Variants in SLC35F1 observed in about 807,000 individuals in gnomAD.
The protein encoded by SLC35F1 is solute carrier family 35 member F1, also known as chromosome 6 open reading frame 169.
In SLC35F1, 14 loss-of-function variants were observed where a neutral mutation model predicts 48.7. The ratio of observed to expected loss-of-function variants is 0.29; its 90% CI spans 0.19 to 0.45. SLC35F1 has a LOEUF of 0.45. SLC35F1 is among the 20% of genes least tolerant of loss of function. The probability of loss-of-function intolerance (pLI) is 1.00; values close to 1 mark genes in which losing one functional copy is unlikely to be tolerated. For missense variants in SLC35F1, 404 were observed against 500.0 expected, an observed-to-expected ratio of 0.81 and a Z score of 1.83; for synonymous variants, 190 against 202.2, an observed-to-expected ratio of 0.94 and a Z score of 0.51.
intron 2 of SLC35F1, among the ~76,000 whole-genome samples, chr6:118,166,252 G>C (rs1352245791): frequency 1.3e-5 from 2 of 152,082 alleles, no homozygotes; most frequent in South Asian, 2.1e-4. Context: ...TGGCCACTAG[G>C]GTATCATTTG....
At chr6:117,969,483 C>A (rs117996823) in intron 1 of SLC35F1, among the ~76,000 whole-genome samples, 2,715 of 152,230 alleles carry the variant, frequency 0.018, 32 homozygotes, top group East Asian at 0.031. Context: ...AACAAATAAA[C>A]CCAGGCCAAG....
At chr6:118,293,228 T>C (rs1359242404) in intron 7 of SLC35F1, among the ~76,000 whole-genome samples, 1 of 152,218 alleles carries the variant, frequency 6.6e-6, no homozygotes. Context: ...CCAAATTTAC[T>C]ATCTTACAGT....
rs749418334 is a variant in SLC35F1 at position 117,957,987 on chromosome 6, C to T, written c.173+50088C>T. 2.0e-5 allele frequency among the ~76,000 whole-genome samples: 3 copies of T among 152,154 alleles called. No individual in the cohort carries two copies. In the South Asian group the frequency reaches 6.2e-4, roughly 32 times the overall value. ...GTGTTCCGAAAGAAGGCATTGTTAT[C>T]ATAGGAGATGACAGCTCTATGAGTG... On this transcript the variant is annotated intron_variant, in intron 1 of 7. Coordinates refer to ENST00000360388, the MANE Select transcript of SLC35F1 (RefSeq NM_001029858.4).
Position 117,975,319 on chromosome 6 carries a change from T to C in SLC35F1, c.173+67420T>C, listed in dbSNP as rs551283637. On this transcript the variant is annotated intron_variant, in intron 1 of 7. Transcript: ENST00000360388. ...AAAATAAAGAAATTTTGATTAGAGT[T>C]AACTGCATTATAAATGCTTAAAGAC... Among the ~76,000 whole-genome samples the C allele has an allele frequency of 2.6e-5, 4 of 152,334 alleles. No homozygotes were observed. The South Asian group carries it at 8.3e-4, about 32-fold the overall frequency.
At chr6:117,915,260 C>T (rs1775812580) in intron 1 of SLC35F1, among the ~76,000 whole-genome samples, 1 of 152,062 alleles carries the variant, frequency 6.6e-6, no homozygotes, top group Admixed American at 6.6e-5. Flanking sequence ...CTGATTTTAC[C>T]TTATAAGGCA....
chr6:118,275,264 A>G (rs1249833442), intron 4 of SLC35F1, among the ~76,000 whole-genome samples, 195 bp from the exon 5 acceptor site: 1 of 152,214 alleles, frequency 6.6e-6, no homozygotes, highest in African/African-American at 2.4e-5. Flanking sequence ...AATTGTGTCA[A>G]CATAGGCAAA....
At chr6:118,054,710 G>A (rs1387479885) in intron 1 of SLC35F1, among the ~76,000 whole-genome samples, 1 of 152,162 alleles carries the variant, frequency 6.6e-6, no homozygotes, top group Non-Finnish European at 1.5e-5. Context: ...ACATGCTGAA[G>A]GCTCTGTTTT....
intron 1 of SLC35F1, among the ~76,000 whole-genome samples, chr6:118,114,258 G>A (rs1308576188): frequency 6.6e-6 from 1 of 152,040 alleles, no homozygotes; most frequent in Non-Finnish European, 1.5e-5. Context: ...TCTTTATAAA[G>A]ACTAAATTAT....
chr6:117,969,608 T>G (rs1486058163), intron 1 of SLC35F1, among the ~76,000 whole-genome samples: 2 of 152,132 alleles, frequency 1.3e-5, no homozygotes, highest in African/African-American at 4.8e-5. Flanking sequence ...CTAGCTACTC[T>G]GGAGGGTGAG....
chr6:118,292,272 A>G (rs399844), intron 7 of SLC35F1, among the ~76,000 whole-genome samples: 85,120 of 152,028 alleles, frequency 0.56, 24,236 homozygotes, highest in Middle Eastern at 0.62. Context: ...CTTACTGTAC[A>G]TGGCTGCAAG....
intron 1 of SLC35F1, among the ~76,000 whole-genome samples, chr6:118,109,056 A>T (rs1466098886): frequency 1.3e-5 from 2 of 152,198 alleles, no homozygotes; most frequent in Non-Finnish European, 2.9e-5. Flanking sequence ...TTAATTTAAA[A>T]TGGAACTTCA....
chr6:118,274,479 C>T (rs1004817128), intron 4 of SLC35F1, among the ~76,000 whole-genome samples: 7 of 152,264 alleles, frequency 4.6e-5, no homozygotes, highest in Admixed American at 2.0e-4. Context: ...TCACTGAAAC[C>T]TCCACCTCCC....
intron 3 of SLC35F1, among the ~76,000 whole-genome samples, chr6:118,253,571 A>G (rs1775602955): frequency 6.6e-6 from 1 of 152,114 alleles, no homozygotes; most frequent in Admixed American, 6.5e-5. Context: ...TAAGACAGCC[A>G]AGGATAGGTC....
intron 1 of SLC35F1, among the ~76,000 whole-genome samples, chr6:118,002,125 C>A (rs1301161023): frequency 6.7e-6 from 1 of 149,938 alleles, no homozygotes; most frequent in Non-Finnish European, 1.5e-5. Context: ...GACTATAAAT[C>A]ATGCTGCTAT....
chr6:118,228,638 G>A (rs1775249838), intron 2 of SLC35F1, among the ~76,000 whole-genome samples: 1 of 152,082 alleles, frequency 6.6e-6, no homozygotes, highest in South Asian at 2.1e-4. Flanking sequence ...AGGCTGCAGT[G>A]AACCAAGATC....
At chr6:118,129,269 G>C (rs1294287056) in intron 1 of SLC35F1, among the ~76,000 whole-genome samples, 1 of 152,190 alleles carries the variant, frequency 6.6e-6, no homozygotes, top group Non-Finnish European at 1.5e-5. Context: ...GGGGAGATGA[G>C]AAGTGGCTTC....
intron 1 of SLC35F1, among the ~76,000 whole-genome samples, chr6:118,067,882 G>A (rs566929832): frequency 1.1e-4 from 16 of 152,194 alleles, no homozygotes; most frequent in East Asian, 5.8e-4. Context: ...AAGAATTAGC[G>A]TTTCTAACAA....
At chr6:118,239,834 A>G (rs1277803021) in intron 3 of SLC35F1, among the ~76,000 whole-genome samples, 3 of 152,336 alleles carry the variant, frequency 2.0e-5, no homozygotes, top group Admixed American at 6.5e-5. Context: ...GGAAGTAAAA[A>G]GGCAAGTTGA....
intron 1 of SLC35F1, among the ~76,000 whole-genome samples, chr6:117,989,150 C>T (rs1776885277): frequency 6.6e-6 from 1 of 152,214 alleles, no homozygotes; most frequent in African/African-American, 2.4e-5. Flanking sequence ...AGCAATCCCT[C>T]CACTCCCTGT....
Sources: gnomAD v4.1 joint callset for allele counts (sites outside exome capture counted in the v4.1 genomes callset) on GRCh38, gnomAD v4.1.1 for gene constraint, MANE v1.5 for transcripts, NCBI Gene and HGNC (gene_info 2026-07-23, HGNC 2026-07-21) for gene names.